Variants in CACNA2D3 observed in about 807,000 individuals in gnomAD.
CACNA2D3 encodes the protein calcium voltage-gated channel auxiliary subunit alpha2delta 3.
CACNA2D3 carries 60 observed loss-of-function variants against 160.6 expected under a neutral mutation model. The ratio of observed to expected loss-of-function variants is 0.37; its 90% CI spans 0.30 to 0.46. The LOEUF is 0.46. Among genes scored for constraint, CACNA2D3 ranks in the 20% least tolerant of loss-of-function variants. The pLI is 1.00. For missense variants in CACNA2D3, 1,205 were observed against 1,365.0 expected (o/e 0.88, Z 1.85); for synonymous variants, 558 against 492.9 (o/e 1.13, Z -1.75).
At chr3:54,230,939 T>C (rs534027620) in intron 2 of CACNA2D3, among the ~76,000 whole-genome samples, 2 of 152,366 alleles carry the variant, frequency 1.3e-5, no homozygotes, top group Admixed American at 6.5e-5. Flanking sequence ...AAATGGGGTC[T>C]ATCGCCAAAA....
At chr3:54,508,028 G>C (rs1701400219) in intron 5 of CACNA2D3, among the ~76,000 whole-genome samples, 2 of 152,300 alleles carry the variant, frequency 1.3e-5, no homozygotes, top group African/African-American at 2.4e-5. Context: ...CATTAAAAGG[G>C]GAGCCTTTAG....
intron 2 of CACNA2D3, among the ~76,000 whole-genome samples, chr3:54,176,806 T>C (rs1700688090): frequency 6.6e-6 from 1 of 152,218 alleles, no homozygotes; most frequent in African/African-American, 2.4e-5. Flanking sequence ...GGACTTTGCC[T>C]AACCTGCCCC....
chr3:54,959,660 C>G, intron 27 of CACNA2D3, among the ~76,000 whole-genome samples: 1 of 152,030 alleles, frequency 6.6e-6, no homozygotes, highest in Admixed American at 6.5e-5. Context: ...TTTTAAAGGA[C>G]ATTGATTTGT....
intron 27 of CACNA2D3, among the ~76,000 whole-genome samples, chr3:54,904,165 G>A (rs1267428405): frequency 6.6e-6 from 1 of 152,160 alleles, no homozygotes; most frequent in Non-Finnish European, 1.5e-5. Flanking sequence ...AAGAGAAAGG[G>A]CAAAACCTAT....
intron 11 of CACNA2D3, among the ~76,000 whole-genome samples, chr3:54,700,454 A>C (rs1400327872): frequency 6.6e-6 from 1 of 152,200 alleles, no homozygotes; most frequent in Non-Finnish European, 1.5e-5. Context: ...GCACCAACCA[A>C]ATTTCAAGTG....
chr3:54,889,485 G>T (rs1700004954), intron 24 of CACNA2D3, among the ~76,000 whole-genome samples: 2 of 152,244 alleles, frequency 1.3e-5, no homozygotes, highest in South Asian at 2.1e-4. Context: ...TGTTGTGGAG[G>T]GTAGGGAGGT....
At chr3:54,740,847 A>G (rs559567577) in intron 11 of CACNA2D3, among the ~76,000 whole-genome samples, 5 of 152,318 alleles carry the variant, frequency 3.3e-5, no homozygotes, top group Admixed American at 2.6e-4. Context: ...AGAATTCACA[A>G]CAGCTGTTGG....
At chr3:54,865,313 G>T (rs1341805846) in intron 17 of CACNA2D3, among the ~76,000 whole-genome samples, 1 of 152,200 alleles carries the variant, frequency 6.6e-6, no homozygotes, top group East Asian at 1.9e-4. Flanking sequence ...TCAACAATGA[G>T]CCGTTATTAC....
chr3:54,918,211 G>T, intron 27 of CACNA2D3: 1 of 429,006 alleles, frequency 2.3e-6, no homozygotes, highest in Non-Finnish European at 4.2e-6. Flanking sequence ...ACATAGAATC[G>T]TCGTAATAAC....
intron 5 of CACNA2D3, among the ~76,000 whole-genome samples, chr3:54,540,448 A>G (rs1009447498): frequency 4.6e-5 from 7 of 152,196 alleles, no homozygotes; most frequent in Admixed American, 2.0e-4. Context: ...ATTTGATATT[A>G]TTTTTCAGAA....
intron 14 of CACNA2D3, among the ~76,000 whole-genome samples, chr3:54,825,849 C>A (rs934942767): frequency 1.3e-5 from 2 of 152,056 alleles, no homozygotes. Context: ...GTGAAATCAT[C>A]ATCAGTGATT....
intron 29 of CACNA2D3, among the ~76,000 whole-genome samples, chr3:54,983,386 C>T (rs1276223296): frequency 1.3e-5 from 2 of 152,184 alleles, no homozygotes; most frequent in East Asian, 3.8e-4. Flanking sequence ...TATGAGATTG[C>T]TTCCATGATG....
intron 5 of CACNA2D3, among the ~76,000 whole-genome samples, chr3:54,525,115 T>C (rs570225883): frequency 6.6e-6 from 1 of 152,300 alleles, no homozygotes; most frequent in East Asian, 1.9e-4. Context: ...TATGTTTTAG[T>C]TCATAAGGTA....
chr3:54,865,788 G>A (rs552931811), intron 17 of CACNA2D3, among the ~76,000 whole-genome samples: 1 of 152,198 alleles, frequency 6.6e-6, no homozygotes, highest in South Asian at 2.1e-4. Flanking sequence ...GGCCAAATGG[G>A]CGTGTTTTCA....
intron 13 of CACNA2D3, among the ~76,000 whole-genome samples, chr3:54,769,994 CCTTA>C (rs1702290216): frequency 6.6e-6 from 1 of 152,116 alleles, no homozygotes; most frequent in South Asian, 2.1e-4. Flanking sequence ...ACCCCAACAC[CCTTA>C]CTGAGGAGAG....
intron 31 of CACNA2D3, among the ~76,000 whole-genome samples, chr3:54,998,296 A>G (rs760017259): frequency 2.6e-5 from 4 of 151,598 alleles, no homozygotes; most frequent in Non-Finnish European, 5.9e-5. Flanking sequence ...CCACCACGCC[A>G]GGCTAATTTG....
intron 4 of CACNA2D3, among the ~76,000 whole-genome samples, chr3:54,409,283 A>G (rs1485314641): frequency 1.3e-5 from 2 of 152,130 alleles, no homozygotes; most frequent in Non-Finnish European, 2.9e-5. Flanking sequence ...GTGATCAGTG[A>G]TCTTTGGACG....
intron 31 of CACNA2D3, among the ~76,000 whole-genome samples, chr3:55,004,412 G>C (rs544816747): frequency 6.6e-6 from 1 of 152,242 alleles, no homozygotes; most frequent in South Asian, 2.1e-4. Flanking sequence ...AATTCCATCC[G>C]GGTCTTAGAA....
chr3:54,232,892 G>A (rs1701801868), intron 2 of CACNA2D3, among the ~76,000 whole-genome samples: 1 of 152,156 alleles, frequency 6.6e-6, no homozygotes, highest in Non-Finnish European at 1.5e-5. Context: ...ATCTCCACTG[G>A]GTGCTGGCTG....
Sources: gnomAD v4.1 joint callset for allele counts (sites outside exome capture counted in the v4.1 genomes callset) on GRCh38, gnomAD v4.1.1 for gene constraint, MANE v1.5 for transcripts, NCBI Gene and HGNC (gene_info 2026-07-23, HGNC 2026-07-21) for gene names.